Variants in EXOC1 observed in about 807,000 individuals in gnomAD.
EXOC1 encodes exocyst complex component 1.
A neutral mutation model predicts 107.7 loss-of-function variants in EXOC1; 67 were observed. The ratio of observed to expected loss-of-function variants is 0.62; its 90% CI spans 0.51 to 0.76. The LOEUF (loss-of-function observed/expected upper bound fraction) is 0.76. EXOC1 is among the 30% of genes least tolerant of loss of function. EXOC1 has a pLI of 0.00. For synonymous variants in EXOC1, 348 were observed against 353.5 expected (o/e 0.98, Z 0.17); for missense variants, 833 against 1,055.7 (o/e 0.79, Z 2.92).
chr4:55,885,881 T>A (rs1350521843), intron 10 of EXOC1, among the ~76,000 whole-genome samples: 1 of 152,188 alleles, frequency 6.6e-6, no homozygotes, highest in East Asian at 1.9e-4. Context: ...GTGTACATTT[T>A]TTTCAAAGAT....
chr4:55,885,954 A>G (rs1030095635), intron 10 of EXOC1, among the ~76,000 whole-genome samples: 7 of 152,182 alleles, frequency 4.6e-5, no homozygotes, highest in Non-Finnish European at 8.8e-5. Context: ...GTCCTGGCTT[A>G]TAATTGTTCA....
At chr4:55,892,348 CT>C (rs1241318792) in intron 13 of EXOC1, among the ~76,000 whole-genome samples, 1 of 152,044 alleles carries the variant, frequency 6.6e-6, no homozygotes, top group Non-Finnish European at 1.5e-5. Context: ...ACTCCCACAC[CT>C]TGCGTTCAGC....
chr4:55,860,171 T>C (rs1295372160), intron 2 of EXOC1, among the ~76,000 whole-genome samples: 1 of 152,264 alleles, frequency 6.6e-6, no homozygotes, highest in African/African-American at 2.4e-5. Flanking sequence ...AAAACTGGTC[T>C]GAATTTATTA....
chr4:55,881,870 T>C (rs1456925853), intron 9 of EXOC1, among the ~76,000 whole-genome samples: 3 of 152,118 alleles, frequency 2.0e-5, no homozygotes, highest in Non-Finnish European at 4.4e-5. Context: ...CCTTTCACAT[T>C]GTATAAAGAA....
Position 55,864,249 on chromosome 4 carries a change from A to G in EXOC1, c.278A>G (p.His93Arg), listed in dbSNP as rs1403315395. ...AIKENPEFDLHFEKIYKWVAS... is the reference protein window; with the variant it reads ...AIKENPEFDLRFEKIYKWVAS... The stretch of plus-strand genomic sequence containing the variant: ...TAGGAAAATCCTGAATTTGATTTAC[A>G]CTTTGAAAAAATATATAAATGGGTT... Residue 93 changes from histidine (H) to arginine (R), a missense_variant, in exon 4 of 19, where the codon CAC becomes CGC. Transcript: ENST00000381295. The G allele has an allele frequency of 1.3e-6, 2 of 1,582,114 alleles. No homozygotes were observed. The highest frequency in any genetic ancestry group is 1.4e-5 in the African/African-American group (1 of 73,696).
At chr4:55,872,130 G>A (rs1722498059) in intron 8 of EXOC1, among the ~76,000 whole-genome samples, 172 bp downstream of exon 8, 1 of 152,028 alleles carries the variant, frequency 6.6e-6, no homozygotes, top group African/African-American at 2.4e-5. Context: ...TGTACTTTGG[G>A]CCTCAGCTGC....
intron 9 of EXOC1, among the ~76,000 whole-genome samples, chr4:55,882,559 T>C (rs1176034316): frequency 2.0e-5 from 3 of 152,258 alleles, no homozygotes; most frequent in Non-Finnish European, 4.4e-5. Flanking sequence ...ATTGCCCATT[T>C]GACTAACTGT....
chr4:55,903,147 T>TAAAAAAAAA (rs10544843), intron 18 of EXOC1, among the ~76,000 whole-genome samples: 2 of 98,490 alleles, frequency 2.0e-5, no homozygotes, highest in African/African-American at 3.3e-5. Flanking sequence ...GTGTCTCAAT[T>TAAAAAAAAA]AAAAAAAAAA....
At chr4:55,887,348 A>C (rs925570288) in intron 10 of EXOC1, among the ~76,000 whole-genome samples, 30 of 152,292 alleles carry the variant, frequency 2.0e-4, no homozygotes, top group African/African-American at 7.2e-4. Flanking sequence ...GGATGGCTGG[A>C]AGATTAACTC....
rs1313998832 is a variant in EXOC1 at position 55,860,505 on chromosome 4, A to G, written c.219A>G (p.Arg73=). 6.2e-7 allele frequency: 1 copy of G among 1,614,062 alleles called. No homozygotes were observed. Among genetic ancestry groups the G allele is most frequent in the Non-Finnish European group, 8.5e-7 (1 of 1,179,942 alleles). Residue 73 remains arginine (R), a synonymous_variant, in exon 3 of 19, where the codon CGA becomes CGG. Transcript: ENST00000381295. ...AAAGGCAGATTGCATGGGCCCTTCG[A>G]GATCTTGCTGTGGTAGATGCCAAAG... ...FYKRQIAWAL[R]DLAVVDAKDA...
rs1199022218 is a variant in EXOC1 at position 55,876,077 on chromosome 4, G to C, written c.1075-1840G>C. On this transcript the variant is annotated intron_variant, in intron 8 of 18. Coordinates refer to ENST00000381295, the MANE Select transcript of EXOC1 (RefSeq NM_001024924.2). ...TAATAGAATGTTTATATTGACCTTT[G>C]GCAACATAGAAATAGATAATAGTCC... 5 of 984,702 alleles carry C rather than the reference G, an allele frequency of 5.1e-6. No individual in the cohort carries two copies. The Admixed American group carries it at 2.5e-4, about 49-fold the overall frequency. 61.0% of individuals were successfully genotyped at this position (984,702 alleles called of 1,614,324 possible). A position where few individuals can be genotyped will look rare whatever the true frequency, so the allele number is the denominator to read the frequency against.
At chr4:55,872,518 T>C (rs528818555) in intron 8 of EXOC1, among the ~76,000 whole-genome samples, 18 of 152,110 alleles carry the variant, frequency 1.2e-4, no homozygotes, top group African/African-American at 4.1e-4. Flanking sequence ...ATATTAAGAG[T>C]ACCTTTGAGG....
intron 10 of EXOC1, 142 bp from the exon 11 acceptor site, chr4:55,888,746 C>T (rs1724170707): frequency 4.1e-6 from 3 of 736,784 alleles, no homozygotes; most frequent in African/African-American, 1.8e-5. Context: ...CATGTGTTTG[C>T]ACTTCTTGTT....
intron 3 of EXOC1, among the ~76,000 whole-genome samples, chr4:55,863,211 A>G (rs1225799668): frequency 6.6e-6 from 1 of 152,052 alleles, no homozygotes; most frequent in East Asian, 1.9e-4. Flanking sequence ...GTTTTTTTAT[A>G]TAATAGTCAA....
intron 8 of EXOC1, among the ~76,000 whole-genome samples, chr4:55,873,285 A>T (rs1245239741): frequency 6.6e-6 from 1 of 152,110 alleles, no homozygotes; most frequent in Non-Finnish European, 1.5e-5. Context: ...CCTAACTAAA[A>T]GCACGGTAGG....
intron 10 of EXOC1, among the ~76,000 whole-genome samples, chr4:55,888,096 C>G (rs1724101793): frequency 6.6e-6 from 1 of 152,296 alleles, no homozygotes; most frequent in African/African-American, 2.4e-5. Context: ...GATCTTTCTT[C>G]ACCTTTCACA....
chr4:55,897,201 A>C (rs1261463185), intron 16 of EXOC1, among the ~76,000 whole-genome samples: 1 of 148,614 alleles, frequency 6.7e-6, no homozygotes, highest in African/African-American at 2.5e-5. Context: ...ATCTTGGCTC[A>C]CTGCAACCTC....
chr4:55,881,560 G>A (rs1231231193), intron 9 of EXOC1, among the ~76,000 whole-genome samples: 1 of 152,076 alleles, frequency 6.6e-6, no homozygotes, highest in Non-Finnish European at 1.5e-5. Context: ...GGGAGACATG[G>A]GACGTCAATC....
At chr4:55,856,141 A>G (rs930295195) in intron 1 of EXOC1, among the ~76,000 whole-genome samples, 29 of 152,262 alleles carry the variant, frequency 1.9e-4, no homozygotes, top group African/African-American at 6.8e-4. Context: ...TCTAACTTTC[A>G]CTGGATGTAG....
Sources: gnomAD v4.1 joint callset for allele counts (sites outside exome capture counted in the v4.1 genomes callset) on GRCh38, gnomAD v4.1.1 for gene constraint, MANE v1.5 for transcripts, NCBI Gene and HGNC (gene_info 2026-07-23, HGNC 2026-07-21) for gene names.